Variants in ULK1 observed in about 807,000 individuals in gnomAD.
ULK1 encodes serine/threonine-protein kinase ULK1.
A neutral mutation model predicts 117.5 loss-of-function variants in ULK1; 48 were observed. The ratio of observed to expected loss-of-function variants is 0.41; its 90% confidence interval spans 0.32 to 0.52. ULK1 has a LOEUF of 0.52. ULK1 is among the 20% of genes least tolerant of loss of function. The probability of loss-of-function intolerance (pLI) is 0.29; values close to 1 mark genes in which losing one functional copy is unlikely to be tolerated. For synonymous variants in ULK1, 790 were observed against 637.8 expected, an observed-to-expected ratio of 1.24 and a Z score of -3.60; for missense variants, 1,387 against 1,473.4, an observed-to-expected ratio of 0.94 and a Z score of 0.96.
At chr12:131,920,402 C>G (rs1890100920) in intron 26 of ULK1, 1 of 463,868 alleles carries the variant, frequency 2.2e-6, no homozygotes, top group Non-Finnish European at 3.9e-6. Flanking sequence ...AAATGAGAGA[C>G]TTGGTCTTCA....
At chr12:131,897,918 C>G (rs922378678) in intron 3 of ULK1, 1 of 152,104 alleles carries the variant, frequency 6.6e-6, no homozygotes, top group Non-Finnish European at 1.5e-5. Context: ...AAACAAAACC[C>G]TCAAAAAGTT....
At position 131,920,499 on chromosome 12, in the gene ULK1, C is replaced by T. The variant is rs78661442; in HGVS notation, c.2961+363C>T. 493 of 264,716 alleles carry T rather than the reference C, an allele frequency of 1.9e-3. 1 individual carries two copies. The highest frequency in any genetic ancestry group is 2.9e-3 in the Non-Finnish European group (402 of 136,952). The allele number at this position is 264,716 out of a possible 1,614,324, so 16.4% of individuals were successfully genotyped here. On this transcript the variant is annotated intron_variant, in intron 26 of 27. Transcript: ENST00000321867. ...AGTGTGGTGCACTCAGGTGGTACCACGGGCAAAGACTCCCTGCTTGGGCTC... is the reference window on the plus strand; with the variant it reads ...AGTGTGGTGCACTCAGGTGGTACCATGGGCAAAGACTCCCTGCTTGGGCTC...
Position 131,895,067 on chromosome 12 carries a change from C to T in ULK1, c.66C>T (p.Ile22=). The change falls in exon 1 of 28, where the codon ATC becomes ATT. Residue 22 remains isoleucine (I), a synonymous_variant. Coordinates refer to ENST00000321867, the MANE Select transcript of ULK1 (RefSeq NM_003565.4). ...TCGAGTTCTCCCGCAAGGACCTGATCGGCCACGGCGCCTTCGCGGTGGTCT... is the reference window on the plus strand; with the variant it reads ...TCGAGTTCTCCCGCAAGGACCTGATTGGCCACGGCGCCTTCGCGGTGGTCT... The part of the protein sequence containing the change: ...GKFEFSRKDL[I]GHGAFAVVFK... 6.3e-7 allele frequency: 1 copy of T among 1,581,028 alleles called. No homozygotes were observed.
At position 131,912,058 on chromosome 12, in the gene ULK1, C is replaced by T. The variant is rs11616018; in HGVS notation, c.1065C>T (p.Asp355=). 0.77 allele frequency: 1,248,439 copies of T among 1,612,128 alleles called. 497,343 individuals carry two copies. Among genetic ancestry groups the T allele is most frequent in the Non-Finnish European group, 0.83 (981,078 of 1,179,650 alleles). Reference sequence around the variant, plus strand: ...GCAAGGACTCTTCCTGTGACACAGACGACTTCGTCATGGTCCCCGCGCAGT... The same window carrying T: ...GCAAGGACTCTTCCTGTGACACAGATGACTTCGTCATGGTCCCCGCGCAGT... ...GGSKDSSCDT[D]DFVMVPAQFP... The change falls in exon 13 of 28, where the codon GAC becomes GAT. Residue 355 remains aspartate, a synonymous_variant. Coordinates refer to ENST00000321867, the MANE Select transcript of ULK1 (RefSeq NM_003565.4).
chr12:131,914,984 C>T, intron 16 of ULK1, 99 bp from the exon 17 acceptor site: 1 of 1,474,410 alleles, frequency 6.8e-7, no homozygotes. Context: ...CTGCTGGGGC[C>T]TCCCCTCCTA....
intron 20 of ULK1, 132 bp downstream of exon 20, chr12:131,916,723 G>T: frequency 8.0e-7 from 1 of 1,255,554 alleles, no homozygotes; most frequent in Non-Finnish European, 1.1e-6. Context: ...GCCCAGTGTG[G>T]CTGGGTGCCA....
At chr12:131,899,333 C>T (rs1888999460) in intron 3 of ULK1, among the ~76,000 whole-genome samples, 1 of 151,588 alleles carries the variant, frequency 6.6e-6, no homozygotes, top group Non-Finnish European at 1.5e-5. Context: ...GGATTACAGA[C>T]ATGCGCCACC....
Position 131,914,600 on chromosome 12 carries a change from G to A in ULK1, c.1373+123G>A, listed in dbSNP as rs555652913. On this transcript the variant is annotated intron_variant, in intron 16 of 27. Transcript: ENST00000321867. ...TGCAGTTGTGCAGGCTGCGCACTGC[G>A]TAACTCAGCACCACCATTTACTTTG... 23 of 1,282,580 alleles carry A rather than the reference G, an allele frequency of 1.8e-5. No individual in the cohort carries two copies. In the East Asian group the frequency reaches 3.1e-4, roughly 18 times the overall value. 79.4% of individuals were successfully genotyped at this position (1,282,580 alleles called of 1,614,324 possible). A position where few individuals can be genotyped will look rare whatever the true frequency, so the allele number is the denominator to read the frequency against.
intron 25 of ULK1, 43 bp from the exon 26 acceptor site, chr12:131,919,936 C>T (rs550096490): frequency 7.9e-5 from 126 of 1,596,502 alleles, no homozygotes; most frequent in African/African-American, 1.7e-4. Context: ...AGCCCTGCCC[C>T]GTGTCTGCTG....
intron 20 of ULK1, 149 bp downstream of exon 20, chr12:131,916,740 C>T (rs1593272948): frequency 1.7e-6 from 2 of 1,170,864 alleles, no homozygotes; most frequent in East Asian, 5.3e-5. Flanking sequence ...GCCAGAGAGC[C>T]TGGCCCACCT....
At chr12:131,899,210 T>C (rs1488369713) in intron 3 of ULK1, among the ~76,000 whole-genome samples, 1 of 146,432 alleles carries the variant, frequency 6.8e-6, no homozygotes, top group Non-Finnish European at 1.5e-5. Flanking sequence ...TTTTCTGAGA[T>C]GTAGTTTCAC....
In ULK1 at chr12:131,909,842, C is replaced by T. The variant is rs1413043881; in HGVS notation, c.725+9C>T. The stretch of plus-strand genomic sequence containing the variant: ...AAGACGTTGGTCCCCACGTAAGCAC[C>T]CTCCCGCCTTCCCTTCCCTTCCCCC... On this transcript the variant is annotated intron_variant, in intron 9 of 27. Transcript: ENST00000321867. The T allele has an allele frequency of 7.4e-6, 12 of 1,611,346 alleles. No individual in the cohort carries two copies. Among genetic ancestry groups the T allele is most frequent in the Middle Eastern group, 1.6e-4 (1 of 6,078 alleles).
chr12:131,907,588 A>G (rs1889327654), intron 5 of ULK1, 57 bp downstream of exon 5: 10 of 1,576,322 alleles, frequency 6.3e-6, no homozygotes, highest in Non-Finnish European at 8.6e-6. Context: ...GCCCGCACCC[A>G]GGGCCACACT....
At chr12:131,920,635 G>A (rs924350051) in intron 26 of ULK1, 15 of 189,584 alleles carry the variant, frequency 7.9e-5, no homozygotes, top group South Asian at 2.3e-4. Context: ...TAGTGTAGCC[G>A]CTAACTCCTG....
Position 131,909,762 on chromosome 12 carries a change from C to A in ULK1, c.667-13C>A, listed in dbSNP as rs2136392767. ...CCGCAGCCCTGGCAGTCAGGCTGTCCCCGTCCCCGCAGGCCAGCAGCCCCC... is the reference window on the plus strand; with the variant it reads ...CCGCAGCCCTGGCAGTCAGGCTGTCACCGTCCCCGCAGGCCAGCAGCCCCC... On this transcript the variant is annotated splice_polypyrimidine_tract_variant and intron_variant, in intron 8 of 27. Coordinates refer to ENST00000321867, the MANE Select transcript of ULK1 (RefSeq NM_003565.4). 3.1e-6 allele frequency: 5 copies of A among 1,595,336 alleles called. No homozygotes were observed. Among genetic ancestry groups the A allele is most frequent in the Non-Finnish European group, 4.3e-6 (5 of 1,171,148 alleles).
At chr12:131,895,508 G>A in intron 1 of ULK1, 93 bp from the exon 2 acceptor site, 1 of 1,078,082 alleles carries the variant, frequency 9.3e-7, no homozygotes, top group Non-Finnish European at 1.4e-6. Flanking sequence ...TTCCCAACCG[G>A]GATCATCTCA....
intron 5 of ULK1, 41 bp downstream of exon 5, chr12:131,907,572 CA>C: frequency 1.3e-6 from 2 of 1,596,482 alleles, no homozygotes; most frequent in Non-Finnish European, 1.7e-6. Context: ...CAGCCGGTCC[CA>C]CAGGGCCCGC....
chr12:131,896,318 A>G (rs974843963), intron 3 of ULK1, among the ~76,000 whole-genome samples: 3 of 152,034 alleles, frequency 2.0e-5, no homozygotes, highest in Non-Finnish European at 2.9e-5. Context: ...CTGGCTGGCC[A>G]AGGAGATGAC....
rs746422452 is a variant in ULK1 at position 131,917,525 on chromosome 12, C to T, written c.2297C>T (p.Pro766Leu). ...TCTCCCCCGAGCGGGAGCACGCCCC[C>T]CCAGGGCCCCCGCACCAGGATGTTC... ...VGSPPSGSTP[P>L]QGPRTRMFSA... The change falls in exon 22 of 28, where the codon CCC becomes CTC. Residue 766 changes from proline (P) to leucine (L), a missense_variant. Around this residue, in one of 4 missense-constraint regions of ULK1, gnomAD observed 900 missense variants for 858.9 expected, o/e 1.05. Coordinates refer to ENST00000321867, the MANE Select transcript of ULK1 (RefSeq NM_003565.4). 64 of 1,449,196 alleles carry T rather than the reference C, an allele frequency of 4.4e-5. No individual in the cohort carries two copies. Among genetic ancestry groups the T allele is most frequent in the Middle Eastern group, 1.9e-4 (1 of 5,290 alleles). The allele number at this position is 1,449,196 out of a possible 1,614,324, so 89.8% of individuals were successfully genotyped here.
Sources: allele counts gnomAD v4.1 joint callset (sites outside exome capture counted in the v4.1 genomes callset), GRCh38; gene constraint gnomAD v4.1.1; regional missense constraint gnomAD v4.1.1; transcripts MANE v1.5; gene names NCBI Gene and HGNC (gene_info 2026-07-23, HGNC 2026-07-21).